Variants in PRB4 observed in about 807,000 individuals in gnomAD.
PRB4 encodes the protein basic salivary proline-rich protein 4.
A neutral mutation model predicts 9.1 loss-of-function variants in PRB4; 14 were observed. That is an observed-to-expected ratio of 1.54 (90% confidence interval 1.02 to 2.41). PRB4 has a LOEUF of 2.41. Among genes scored for constraint, PRB4 ranks in the 30% most tolerant of loss-of-function variants. The pLI, the probability that PRB4 is intolerant of heterozygous loss-of-function variation, is 0.00. For synonymous variants in PRB4, 102 were observed against 108.5 expected, an observed-to-expected ratio of 0.94 and a Z score of 0.37; for missense variants, 381 against 299.3, an observed-to-expected ratio of 1.27 and a Z score of -2.02.
rs781707655 is a variant in PRB4, at chr12:11,308,506, T to C, written c.477A>G (p.Pro159=). The part of the protein sequence containing the change: ...GNQSQGPPPH[P]GKPEGPPPQE... Reference sequence around the variant, plus strand: ...GTGGGGGTGGTCCTTCTGGCTTTCCTGGATGAGGTGGGGGACCTTGGGACT... The same window carrying C: ...GTGGGGGTGGTCCTTCTGGCTTTCCCGGATGAGGTGGGGGACCTTGGGACT... The change falls in exon 3 of 4, where the codon CCA becomes CCG. Residue 159 remains proline, a synonymous_variant. Transcript: ENST00000279575. The C allele has an allele frequency of 1.3e-6, 2 of 1,597,964 alleles. No individual in the cohort carries two copies. The highest frequency in any genetic ancestry group is 1.7e-5 in the Admixed American group (1 of 59,612).
rs145025338 is a variant in PRB4, at chr12:11,309,472, A to T, written c.65-67T>A. The T allele has an allele frequency of 6.8e-4, 1,102 of 1,613,454 alleles. 10 individuals are homozygous for T. The East Asian group carries it at 0.019, about 28-fold the overall frequency. ...AATCTTCAAGACTCACAAGTGTTCT[A>T]CAGGGAAAATTGTCTTCTCACCACA... On this transcript the variant is annotated intron_variant, in intron 1 of 3. Coordinates refer to ENST00000279575, the MANE Select transcript of PRB4 (RefSeq NM_002723.6).
Position 11,308,388 on chromosome 12 carries a change from G to T in PRB4, c.595C>A (p.Pro199Thr), listed in dbSNP as rs1325780444. The change falls in exon 3 of 4, where the codon CCT becomes ACT. Residue 199 changes from proline to threonine, a missense_variant. By Grantham distance (38) the Pro-to-Thr change is conservative. This residue lies in a region of PRB4 where 204 missense variants were observed against 134.4 expected (regional missense o/e 1.52). Transcript: ENST00000279575. ...QEGNKPQGPP[P>T]PGKPQGPPPA... ...GGTGGGCCTTGTGGCTTTCCAGGAG[G>T]TGGGGGACCTTGAGGCTTGTTGCCT... The T allele has an allele frequency of 6.9e-6, 11 of 1,603,652 alleles. No homozygotes were observed. Among genetic ancestry groups the T allele is most frequent in the Non-Finnish European group, 9.4e-6 (11 of 1,171,616 alleles).
At chr12:11,310,281 T>G in intron 1 of PRB4, 54 bp downstream of exon 1, 1 of 1,602,522 alleles carries the variant, frequency 6.2e-7, no homozygotes, top group Non-Finnish European at 8.6e-7. Flanking sequence ...TAATTACCAC[T>G]GTCACCTCCT....
In PRB4 at chr12:11,309,360, T is replaced by C. The variant is rs2277407; in HGVS notation, c.100+10A>G. 4,182 of 1,614,106 alleles carry C rather than the reference T, an allele frequency of 2.6e-3. 90 individuals are homozygous for C. The Admixed American group carries it at 0.04, about 15-fold the overall frequency. ...GAGTCAAAACAGATTGAGAATGAAT[T>C]GGGATTTACCTGATATTAGGAAGAG... On this transcript the variant is annotated intron_variant, in intron 2 of 3. Transcript: ENST00000279575.
chr12:11,309,427 A>G, intron 1 of PRB4, 22 bp from the exon 2 acceptor site: 2 of 1,614,126 alleles, frequency 1.2e-6, no homozygotes, highest in Non-Finnish European at 1.7e-6. Flanking sequence ...GCACAGGATG[A>G]TGGGAAATGT....
intron 2 of PRB4, among the ~76,000 whole-genome samples, 157 bp from the exon 3 acceptor site, chr12:11,309,039 GA>G: frequency 1.3e-5 from 1 of 75,264 alleles, no homozygotes; most frequent in South Asian, 3.9e-4. Context: ...AACGCTGGGG[GA>G]AAAGGGAGAA....
rs1414902343 is a variant in PRB4, at chr12:11,308,545, TG to T, written c.437del (p.Pro146HisfsTer111). 1.3e-6 allele frequency: 2 copies of T among 1,577,174 alleles called. No individual in the cohort carries two copies. Among genetic ancestry groups the T allele is most frequent in the African/African-American group, 2.8e-5 (2 of 71,630 alleles). On this transcript the variant is annotated frameshift_variant, in exon 3 of 4. Transcript: ENST00000279575. LOFTEE classifies it low-confidence loss of function (END_TRUNC). ...GACCTTGGGACTGGTTACCTCCTTG[TG>T]GGGGTGGTCTTTCTGGCTTTCCTGG... ...PPPGKPERPP[P>X]QGGNQSQGPP...
intron 2 of PRB4, 107 bp downstream of exon 2, chr12:11,309,263 T>A: frequency 1.3e-6 from 2 of 1,577,176 alleles, no homozygotes; most frequent in East Asian, 4.5e-5. Context: ...GCAATAACAT[T>A]AATCAATTCC....
In PRB4 at chr12:11,307,462, A is replaced by G. The variant is rs149101469; in HGVS notation, c.*19-263T>C. Among the ~76,000 whole-genome samples the G allele has an allele frequency of 1.9e-3, 284 of 152,368 alleles. 1 individual carries two copies. The highest frequency in any genetic ancestry group is 6.4e-3 in the African/African-American group (267 of 41,580). ...TCATGGCACAGCTACACAATAGAGT[A>G]GTATAAAAATGTAAAAGCAAACAGA... On this transcript the variant is annotated intron_variant, in intron 3 of 3. Transcript: ENST00000279575.
intron 3 of PRB4, 40 bp from the exon 4 acceptor site, chr12:11,307,239 T>G (rs1214374732): frequency 1.3e-5 from 2 of 152,700 alleles, no homozygotes; most frequent in Non-Finnish European, 2.9e-5. Flanking sequence ...ATTCACTCTT[T>G]TGATGCCCTT....
chr12:11,307,985 C>T (rs1345224624), intron 3 of PRB4, among the ~76,000 whole-genome samples: 1 of 152,106 alleles, frequency 6.6e-6, no homozygotes, highest in Non-Finnish European at 1.5e-5. Flanking sequence ...CTCCTCATTG[C>T]CAACACAATT....
intron 1 of PRB4, 104 bp downstream of exon 1, chr12:11,310,231 C>T: frequency 6.9e-7 from 1 of 1,455,878 alleles, no homozygotes. Flanking sequence ...CATGAAAACT[C>T]TGCAGCCCCA....
In PRB4 at chr12:11,308,788, T is replaced by C. The variant is rs78020621; in HGVS notation, c.195A>G (p.Gly65=). ...GKPQGPPPQG[G]NQSQGPPPPP... ...GAGGTGGGGGACCTTGGGACTGGTT[T>C]CCTCCTTGTGGGGGTGGTCCTTGTG... Residue 65 remains glycine, a synonymous_variant, in exon 3 of 4, where the codon GGA becomes GGG. Transcript: ENST00000279575. 61 of 1,513,064 alleles carry C rather than the reference T, an allele frequency of 4.0e-5. No homozygotes were observed. The Middle Eastern group carries it at 5.2e-3, about 130-fold the overall frequency. 93.7% of individuals were successfully genotyped at this position (1,513,064 alleles called of 1,614,324 possible).
In PRB4 at chr12:11,308,240, T is replaced by G. The variant is rs1433902193; in HGVS notation, c.743A>C (p.Ter248SerextTer5). ...TCATACCTGTCATTGAATCCTAGAT[T>G]ACTGGGGAGGCTGTTGTCCCTGGGC... is the stretch of plus-strand genomic sequence containing the variant. ...RPAQGQQPPQ[*>S] Residue 248 changes from the stop codon to serine (S), a stop_lost, in exon 3 of 4, where the codon TAA becomes TCA. Transcript: ENST00000279575. 2 of 1,610,338 alleles carry G rather than the reference T, an allele frequency of 1.2e-6. No individual in the cohort carries two copies. The highest frequency in any genetic ancestry group is 3.4e-5 in the Admixed American group (2 of 59,356).
intron 3 of PRB4, 137 bp downstream of exon 3, chr12:11,308,084 G>C (rs1862951937): frequency 2.0e-6 from 2 of 1,016,288 alleles, no homozygotes; most frequent in African/African-American, 1.6e-5. Context: ...CCCTATTCCA[G>C]AGTATCTGAA....
chr12:11,308,513 G>A lies in PRB4; in HGVS notation c.470C>T (p.Pro157Leu). The change falls in exon 3 of 4, where the codon CCT (proline) becomes CTT (leucine). Residue 157 changes from proline to leucine, a missense_variant. This residue lies in a region of PRB4 where 204 missense variants were observed against 134.4 expected (regional missense o/e 1.52). Transcript: ENST00000279575. The part of the protein sequence containing the change: ...QGGNQSQGPP[P>L]HPGKPEGPPP... ...TGGTCCTTCTGGCTTTCCTGGATGA[G>A]GTGGGGGACCTTGGGACTGGTTACC... The A allele has an allele frequency of 6.3e-7, 1 of 1,598,572 alleles. No homozygotes were observed. Among genetic ancestry groups the A allele is most frequent in the Non-Finnish European group, 8.6e-7 (1 of 1,167,932 alleles).
chr12:11,309,287 T>A, intron 2 of PRB4, 83 bp downstream of exon 2: 3 of 1,603,898 alleles, frequency 1.9e-6, no homozygotes, highest in Non-Finnish European at 2.6e-6. Context: ...AAGGAAAGTG[T>A]TGATAAGAAG....
chr12:11,308,064 G>T (rs964753804), intron 3 of PRB4, among the ~76,000 whole-genome samples, 157 bp downstream of exon 3: 27 of 152,262 alleles, frequency 1.8e-4, no homozygotes, highest in Non-Finnish European at 4.4e-5. Flanking sequence ...AGAAATACAG[G>T]GTCCCCTTAC....
At chr12:11,309,004 G>T in intron 2 of PRB4, 122 bp from the exon 3 acceptor site, 6 of 1,427,744 alleles carry the variant, frequency 4.2e-6, no homozygotes, top group South Asian at 2.4e-5. Flanking sequence ...TGCATTTTCA[G>T]TGAAGCCCTA....
Sources: allele counts gnomAD v4.1 joint callset (sites outside exome capture counted in the v4.1 genomes callset), GRCh38; gene constraint gnomAD v4.1.1; regional missense constraint gnomAD v4.1.1; transcripts MANE v1.5; gene names NCBI Gene and HGNC (gene_info 2026-07-23, HGNC 2026-07-21).